The following GLIS3 variants were observed in gnomAD, a reference collection of about 807,000 sequenced individuals.
GLIS3 encodes zinc finger protein GLIS3.
Under a neutral mutation model 78.6 loss-of-function variants are expected in GLIS3, and 53 were observed. The ratio of observed to expected loss-of-function variants is 0.67; its 90% CI spans 0.54 to 0.85. The LOEUF is 0.85. GLIS3 is among the 40% of genes least tolerant of loss of function. GLIS3 has a pLI of 0.00. For synonymous variants in GLIS3, 684 were observed against 509.9 expected (o/e 1.34, Z -4.60); for missense variants, 1,703 against 1,231.1 (o/e 1.38, Z -5.74).
intron 9 of GLIS3, among the ~76,000 whole-genome samples, chr9:3,845,312 T>C (rs554708575): frequency 2.0e-5 from 3 of 152,106 alleles, no homozygotes; most frequent in South Asian, 4.2e-4. Flanking sequence ...AAACAAAATA[T>C]AGAATGTGAG....
At chr9:4,293,282 T>C (rs1435419740) in intron 1 of GLIS3, among the ~76,000 whole-genome samples, 1 of 152,170 alleles carries the variant, frequency 6.6e-6, no homozygotes, top group African/African-American at 2.4e-5. Flanking sequence ...TCAAACCAAA[T>C]ATTCAGGCAT....
At chr9:4,103,966 G>T (rs1830566563) in intron 4 of GLIS3, among the ~76,000 whole-genome samples, 1 of 152,016 alleles carries the variant, frequency 6.6e-6, no homozygotes, top group African/African-American at 2.4e-5. Flanking sequence ...CACAGTGTTT[G>T]GTAAACAGAA....
chr9:3,989,277 G>T (rs1465532189), intron 4 of GLIS3, among the ~76,000 whole-genome samples: 2 of 152,094 alleles, frequency 1.3e-5, no homozygotes, highest in African/African-American at 4.8e-5. Context: ...TGAAGAAACT[G>T]GATCACTCAT....
chr9:3,834,170 C>T (rs893966212), intron 9 of GLIS3, among the ~76,000 whole-genome samples: 1 of 152,118 alleles, frequency 6.6e-6, no homozygotes, highest in African/African-American at 2.4e-5. Context: ...CACGGAGTCA[C>T]TAGTGTCTCT....
At chr9:3,913,494 G>C (rs1300804755) in intron 6 of GLIS3, among the ~76,000 whole-genome samples, 1 of 152,188 alleles carries the variant, frequency 6.6e-6, no homozygotes, top group Non-Finnish European at 1.5e-5. Flanking sequence ...ACAGAGCCAA[G>C]ACATTCCTGT....
At chr9:4,202,669 C>T (rs1443832618) in intron 2 of GLIS3, among the ~76,000 whole-genome samples, 6 of 151,988 alleles carry the variant, frequency 3.9e-5, no homozygotes, top group African/African-American at 1.5e-4. Context: ...AAATCTCAAA[C>T]CTGTAACCAT....
chr9:3,900,486 C>A (rs913716035), intron 6 of GLIS3, among the ~76,000 whole-genome samples: 2 of 1,754 alleles, frequency 1.1e-3, no homozygotes, highest in Admixed American at 0.016. Flanking sequence ...AGATTTGTAC[C>A]CCCCCCAAAA....
the GLIS3 span, among the ~76,000 whole-genome samples, chr9:4,387,947 CCTA>C: frequency 6.6e-6 from 1 of 152,152 alleles, no homozygotes; most frequent in African/African-American, 2.4e-5. Flanking sequence ...GGAAAAACGA[CCTA>C]ACAAATGATG....
Position 4,296,463 on chromosome 9 carries a change from G to C in GLIS3, c.-99+2958C>G, listed in dbSNP as rs189679652. ...TCAGTAGGAAATTCACCCACTAGGT[G>C]GACCTTGGAGTTCATCCACCACCCC... On this transcript the variant is annotated intron_variant, in intron 1 of 10. Coordinates refer to ENST00000381971, the MANE Select transcript of GLIS3 (RefSeq NM_001042413.2). Among the ~76,000 whole-genome samples, 175 of 152,238 alleles carry C rather than the reference G, an allele frequency of 1.1e-3. 1 individual carries two copies. Among genetic ancestry groups the C allele is most frequent in the Non-Finnish European group, 2.0e-3 (135 of 68,022 alleles).
At chr9:4,305,843 G>C (rs766163778) in intron 4 of GLIS3, 6 of 152,188 alleles carry the variant, frequency 3.9e-5, no homozygotes, top group Non-Finnish European at 5.9e-5. Flanking sequence ...GAAGATTACA[G>C]AGAATAGCCC....
At chr9:4,350,790 G>T (rs912285292), upstream of GLIS3, among the ~76,000 whole-genome samples, 619 of 151,852 alleles carry the variant, frequency 4.1e-3, 2 homozygotes, top group African/African-American at 0.014. Flanking sequence ...AAACATCAGG[G>T]TTTGTTTTGT....
At chr9:4,052,624 C>G (rs1588547749) in intron 4 of GLIS3, among the ~76,000 whole-genome samples, 1 of 152,112 alleles carries the variant, frequency 6.6e-6, no homozygotes, top group Non-Finnish European at 1.5e-5. Flanking sequence ...TCACTTAGTA[C>G]AATGTTTTCA....
At chr9:4,355,137 A>AAAAAAG in the GLIS3 span, among the ~76,000 whole-genome samples, 1 of 146,926 alleles carries the variant, frequency 6.8e-6, no homozygotes, top group Non-Finnish European at 1.5e-5. Context: ...ATCTCGAAAA[A>AAAAAAG]AAAAAGAAAA....
chr9:4,143,324 T>C (rs1271681905), intron 2 of GLIS3, among the ~76,000 whole-genome samples: 3 of 152,030 alleles, frequency 2.0e-5, no homozygotes, highest in African/African-American at 7.2e-5. Context: ...CCCAGCACTT[T>C]GGGAGGCTGA....
the GLIS3 span, among the ~76,000 whole-genome samples, chr9:4,458,330 C>G: frequency 6.6e-6 from 1 of 152,154 alleles, no homozygotes; most frequent in Non-Finnish European, 1.5e-5. Context: ...AAAGGTCTCC[C>G]CTCAAGGAGC....
intron 2 of GLIS3, among the ~76,000 whole-genome samples, chr9:4,317,830 C>A (rs182720458): frequency 1.3e-5 from 2 of 152,286 alleles, no homozygotes; most frequent in East Asian, 3.9e-4. Context: ...TGAAGTAGCA[C>A]ATGTAAAAGA....
intron 2 of GLIS3, chr9:4,152,172 A>G (rs1429909175): frequency 1.5e-5 from 14 of 961,564 alleles, no homozygotes; most frequent in Non-Finnish European, 1.6e-5. Context: ...ACACCCTTCA[A>G]CCATAAAGGA....
intron 1 of GLIS3, among the ~76,000 whole-genome samples, chr9:4,293,528 A>T (rs978473329): frequency 1.3e-5 from 2 of 152,220 alleles, no homozygotes; most frequent in African/African-American, 4.8e-5. Context: ...TCTGTGAATG[A>T]CTCAGCCAAG....
chr9:4,348,121 CATAACTT>C (rs1817917778), intron 1 of GLIS3: 1 of 152,174 alleles, frequency 6.6e-6, no homozygotes, highest in Admixed American at 6.5e-5. Flanking sequence ...TTAATTACAG[CATAACTT>C]ATAACAGCAA....
Sources: allele counts gnomAD v4.1 joint callset (sites outside exome capture counted in the v4.1 genomes callset), GRCh38; gene constraint gnomAD v4.1.1; transcripts MANE v1.5; gene names NCBI Gene and HGNC (gene_info 2026-07-23, HGNC 2026-07-21).